The following RAB38 variants were observed in gnomAD, a reference collection of about 807,000 sequenced individuals.
RAB38 encodes the protein RAB38, member RAS oncogene family, also known as ras-related protein Rab-38.
A neutral mutation model predicts 18.4 loss-of-function variants in RAB38; 15 were observed. That is an observed-to-expected ratio of 0.82 (90% confidence interval 0.55 to 1.26). RAB38 has a LOEUF of 1.26. Among genes scored for constraint, RAB38 ranks in the 50% most tolerant of loss-of-function variants. The pLI is 0.00. For synonymous variants in RAB38, 101 were observed against 104.4 expected, an observed-to-expected ratio of 0.97 and a Z score of 0.20; for missense variants, 294 against 267.4, an observed-to-expected ratio of 1.10 and a Z score of -0.69.
At chr11:88,038,099 G>C in the RAB38 span, among the ~76,000 whole-genome samples, 25 of 152,190 alleles carry the variant, frequency 1.6e-4, no homozygotes, top group East Asian at 4.8e-3. Flanking sequence ...TTTTTGAAGA[G>C]TCTTGCCTGA....
At chr11:88,026,419 T>C in the RAB38 span, among the ~76,000 whole-genome samples, 1 of 150,872 alleles carries the variant, frequency 6.6e-6, no homozygotes, top group East Asian at 2.0e-4. Context: ...AAAAATTAGC[T>C]GGGCGTGGTG....
chr11:88,150,190 T>G (rs1339822937), intron 1 of RAB38, among the ~76,000 whole-genome samples: 1 of 152,250 alleles, frequency 6.6e-6, no homozygotes, highest in Non-Finnish European at 1.5e-5. Flanking sequence ...GTGTACCATG[T>G]AATATTCTAG....
At chr11:87,933,900 A>G in the RAB38 span, among the ~76,000 whole-genome samples, 1 of 152,110 alleles carries the variant, frequency 6.6e-6, no homozygotes, top group Admixed American at 6.6e-5. Context: ...TGCTGCCACC[A>G]GAAGGCAGAG....
chr11:87,950,525 A>T, the RAB38 span, among the ~76,000 whole-genome samples: 1 of 152,182 alleles, frequency 6.6e-6, no homozygotes, highest in East Asian at 1.9e-4. Context: ...GGCTGGTACC[A>T]GTCGTTCCTT....
chr11:87,858,959 TAAGC>T, the RAB38 span, among the ~76,000 whole-genome samples: 1 of 141,290 alleles, frequency 7.1e-6, no homozygotes, highest in Non-Finnish European at 1.6e-5. Flanking sequence ...AAAAAAAAAA[TAAGC>T]AAAACAGAAT....
chr11:87,910,633 CTTTTTT>C, the RAB38 span, among the ~76,000 whole-genome samples: 3 of 131,102 alleles, frequency 2.3e-5, no homozygotes, highest in Admixed American at 1.6e-4. Context: ...AGTTCATTTT[CTTTTTT>C]TTTTTTTTTT....
the RAB38 span, among the ~76,000 whole-genome samples, chr11:88,078,365 CCATATTTATCA>C: frequency 1.3e-5 from 2 of 151,796 alleles, no homozygotes; most frequent in African/African-American, 4.8e-5. Context: ...AGCTGTACTC[CCATATTTATCA>C]CAATATCTTA....
At chr11:88,052,935 T>TATATCATATATATATATATATATATATC in the RAB38 span, among the ~76,000 whole-genome samples, 3 of 85,790 alleles carry the variant, frequency 3.5e-5, no homozygotes, top group African/African-American at 1.6e-4. Flanking sequence ...TATATATATA[T>TATATCATATATATATATATATATATATC]ATATATATAA....
the RAB38 span, among the ~76,000 whole-genome samples, chr11:87,858,610 G>A: frequency 6.6e-6 from 1 of 151,858 alleles, no homozygotes; most frequent in African/African-American, 2.4e-5. Context: ...AAAACCTTAA[G>A]GAAATCTCAA....
At chr11:87,951,627 C>A in the RAB38 span, among the ~76,000 whole-genome samples, 1 of 152,110 alleles carries the variant, frequency 6.6e-6, no homozygotes, top group Non-Finnish European at 1.5e-5. Flanking sequence ...ACAGGACCCC[C>A]AGCTGCAGGT....
At chr11:88,037,170 T>G in the RAB38 span, among the ~76,000 whole-genome samples, 1 of 152,218 alleles carries the variant, frequency 6.6e-6, no homozygotes, top group African/African-American at 2.4e-5. Context: ...TGAAACATTC[T>G]ATTACAACCA....
the RAB38 span, among the ~76,000 whole-genome samples, chr11:87,976,254 A>G: frequency 0.091 from 13,133 of 144,546 alleles, 664 homozygotes; most frequent in Middle Eastern, 0.17. Flanking sequence ...CATATATGTT[A>G]TACATGTAAG....
the RAB38 span, among the ~76,000 whole-genome samples, chr11:88,073,544 C>A: frequency 6.6e-6 from 1 of 152,008 alleles, no homozygotes; most frequent in African/African-American, 2.4e-5. Context: ...AACCTCTAAG[C>A]AAATGTATCT....
the RAB38 span, among the ~76,000 whole-genome samples, chr11:87,922,665 G>C: frequency 1.3e-5 from 2 of 152,028 alleles, no homozygotes; most frequent in East Asian, 3.9e-4. Context: ...CAAATTTTCA[G>C]TATGAGGTTT....
the RAB38 span, among the ~76,000 whole-genome samples, chr11:87,850,469 T>C: frequency 2.0e-5 from 3 of 149,744 alleles, no homozygotes; most frequent in Non-Finnish European, 4.4e-5. Context: ...GCAGAGAGCG[T>C]GTGTGTGTGT....
the RAB38 span, among the ~76,000 whole-genome samples, chr11:88,100,491 ATT>A: frequency 6.6e-6 from 1 of 151,964 alleles, no homozygotes; most frequent in African/African-American, 2.4e-5. Context: ...GGTATTTCAT[ATT>A]TTATATTCCA....
chr11:88,171,438 G>C (rs1286308249), intron 1 of RAB38, among the ~76,000 whole-genome samples: 1 of 152,162 alleles, frequency 6.6e-6, no homozygotes, highest in African/African-American at 2.4e-5. Flanking sequence ...TATAGATGAG[G>C]CAATTGAGGT....
At chr11:88,125,874 T>A (rs1178898258) in intron 2 of RAB38, among the ~76,000 whole-genome samples, 1 of 152,202 alleles carries the variant, frequency 6.6e-6, no homozygotes, top group East Asian at 1.9e-4. Flanking sequence ...CTTTAATCCA[T>A]CTTGAATTAA....
the RAB38 span, among the ~76,000 whole-genome samples, chr11:87,938,467 C>T: frequency 2.0e-5 from 3 of 152,054 alleles, no homozygotes; most frequent in East Asian, 1.9e-4. Context: ...TTCTTTACAG[C>T]CTCACAAAGG....
Sources: allele counts gnomAD v4.1 joint callset (sites outside exome capture counted in the v4.1 genomes callset), GRCh38; gene constraint gnomAD v4.1.1; transcripts MANE v1.5; gene names NCBI Gene and HGNC (gene_info 2026-07-23, HGNC 2026-07-21).